The following AUNIP variants were observed in gnomAD, a reference collection of about 807,000 sequenced individuals.
AUNIP encodes the protein aurora kinase A and ninein interacting protein, also known as aurora kinase A- and ninein-interacting protein.
In AUNIP, 16 loss-of-function variants were observed where a neutral mutation model predicts 12.2. The ratio of observed to expected loss-of-function variants is 1.31; its 90% confidence interval spans 0.88 to 1.99. The LOEUF is 1.99. AUNIP is among the 30% of genes most tolerant of loss of function. The pLI is 0.00. For synonymous variants in AUNIP, 142 were observed against 154.8 expected (o/e 0.92, Z 0.61); for missense variants, 411 against 419.1 (o/e 0.98, Z 0.17).
chr1:25,846,416 C>CAAAAAAAAAAAAAA (rs57719994), intron 1 of AUNIP, among the ~76,000 whole-genome samples: 1 of 29,832 alleles, frequency 3.4e-5, no homozygotes, highest in African/African-American at 1.5e-4. Context: ...GACTCCATCT[C>CAAAAAAAAAAAAAA]AAAAAAAAAA....
rs766436655 is a variant in AUNIP at position 25,835,742 on chromosome 1, C to T, written c.325G>A (p.Gly109Ser). ...NATQLDHLIP[G>S]LAHDCMASPL... is the part of the protein sequence containing the mutation. ...GATGCCATGCAATCGTGTGCTAAGC[C>T]TGGGATCAAATGGTCTAGCTGGGTC... Residue 109 changes from glycine (G) to serine (S), a missense_variant, in exon 3 of 3, where the codon GGC (glycine) becomes AGC (serine). Coordinates refer to ENST00000374298, the MANE Select transcript of AUNIP (RefSeq NM_024037.3). The T allele has an allele frequency of 3.7e-6, 6 of 1,614,216 alleles. No homozygotes were observed. Among genetic ancestry groups the T allele is most frequent in the Non-Finnish European group, 3.4e-6 (4 of 1,180,038 alleles).
At chr1:25,853,597 A>AAAAC (rs916958614) in intron 1 of AUNIP, among the ~76,000 whole-genome samples, 62 of 152,310 alleles carry the variant, frequency 4.1e-4, no homozygotes, top group African/African-American at 1.3e-3. Context: ...TCTGTCTCAA[A>AAAAC]AAACAAACAA....
At chr1:25,843,647 G>A (rs1161909324) in intron 1 of AUNIP, among the ~76,000 whole-genome samples, 1 of 148,296 alleles carries the variant, frequency 6.7e-6, no homozygotes, top group African/African-American at 2.5e-5. Flanking sequence ...CATGGGAGGA[G>A]GTCAAAATAA....
chr1:25,843,448 T>C (rs1347988744), intron 1 of AUNIP, among the ~76,000 whole-genome samples: 2 of 151,320 alleles, frequency 1.3e-5, no homozygotes, highest in Non-Finnish European at 2.9e-5. Context: ...TTCACCATTC[T>C]AGATGTCAGT....
intron 1 of AUNIP, among the ~76,000 whole-genome samples, chr1:25,843,594 GAAAAAAAAAAAAAAA>G (rs769525747): frequency 1.6e-4 from 5 of 31,890 alleles, no homozygotes; most frequent in African/African-American, 4.8e-4. Context: ...CTGTCTGTTT[GAAAAAAAAAAAAAAA>G]AAAAAAAAAA....
chr1:25,838,119 TG>T (rs1398051175), intron 1 of AUNIP, among the ~76,000 whole-genome samples: 1 of 151,614 alleles, frequency 6.6e-6, no homozygotes, highest in African/African-American at 2.4e-5. Context: ...GTTCTGCCAC[TG>T]CCACTTTGCT....
intron 1 of AUNIP, among the ~76,000 whole-genome samples, chr1:25,853,169 T>C (rs1465133604): frequency 6.6e-6 from 1 of 152,264 alleles, no homozygotes; most frequent in East Asian, 1.9e-4. Context: ...TCAAATCTTT[T>C]TTCCTTGTTG....
In AUNIP at chr1:25,835,076, C is replaced by T. The variant is rs1214871750; in HGVS notation, c.991G>A (p.Asp331Asn). 1 of 1,614,238 alleles carries T rather than the reference C, an allele frequency of 6.2e-7. No individual in the cohort carries two copies. Among genetic ancestry groups the T allele is most frequent in the East Asian group, 2.2e-5 (1 of 44,894 alleles). Residue 331 changes from aspartate (D) to asparagine (N), a missense_variant, in exon 3 of 3, where the codon GAT (aspartate) becomes AAT (asparagine). By Grantham distance (23) the Asp-to-Asn change is conservative. Coordinates refer to ENST00000374298, the MANE Select transcript of AUNIP (RefSeq NM_024037.3). ...PNSPWAQCQE[D>N]GPTQNLKPDL... is the part of the protein sequence containing the mutation. The stretch of plus-strand genomic sequence containing the variant: ...GGCTTCAGATTTTGAGTTGGCCCAT[C>T]CTCCTGGCACTGAGCCCAAGGACTG...
intron 1 of AUNIP, among the ~76,000 whole-genome samples, chr1:25,842,574 T>C (rs1179065679): frequency 6.6e-6 from 1 of 152,224 alleles, no homozygotes; most frequent in Non-Finnish European, 1.5e-5. Context: ...GTAGACGAAA[T>C]AGTCTTACAT....
At chr1:25,848,527 C>A (rs190864650) in intron 1 of AUNIP, among the ~76,000 whole-genome samples, 1 of 150,694 alleles carries the variant, frequency 6.6e-6, no homozygotes, top group African/African-American at 2.4e-5. Flanking sequence ...CAAGGAGAGG[C>A]CTGGCAGCTC....
At chr1:25,855,843 GT>G (rs1256551178) in intron 1 of AUNIP, among the ~76,000 whole-genome samples, 1 of 152,200 alleles carries the variant, frequency 6.6e-6, no homozygotes, top group Non-Finnish European at 1.5e-5. Context: ...CAGAGTAATA[GT>G]TAATAGTCAG....
chr1:25,848,390 G>C (rs943822081), intron 1 of AUNIP, among the ~76,000 whole-genome samples: 1 of 149,488 alleles, frequency 6.7e-6, no homozygotes, highest in Non-Finnish European at 1.5e-5. Flanking sequence ...GCTGAGGCAG[G>C]AGAATCGCTT....
intron 1 of AUNIP, among the ~76,000 whole-genome samples, chr1:25,838,648 T>C (rs17163302): frequency 6.6e-6 from 1 of 152,148 alleles, no homozygotes; most frequent in South Asian, 2.1e-4. Flanking sequence ...ACTACACTTT[T>C]AACTCAGGCG....
intron 1 of AUNIP, among the ~76,000 whole-genome samples, chr1:25,843,202 A>ATATATATATT (rs2048358425): frequency 6.7e-6 from 1 of 148,470 alleles, no homozygotes; most frequent in Non-Finnish European, 1.5e-5. Context: ...ATATATATAT[A>ATATATATATT]TTTTACTGCT....
At chr1:25,832,089 C>A, downstream of AUNIP, 1 of 1,612,656 alleles carries the variant, frequency 6.2e-7, no homozygotes, top group Middle Eastern at 1.7e-4. Flanking sequence ...CTGCCTTCCT[C>A]ACCGCAGATG....
intron 1 of AUNIP, among the ~76,000 whole-genome samples, chr1:25,845,970 T>C (rs1557453488): frequency 6.6e-6 from 1 of 152,188 alleles, no homozygotes; most frequent in Non-Finnish European, 1.5e-5. Flanking sequence ...CACAAATTTA[T>C]TGCAGGAATC....
intron 1 of AUNIP, among the ~76,000 whole-genome samples, chr1:25,854,953 CTTTTT>C (rs1159770557): frequency 2.5e-5 from 3 of 121,098 alleles, no homozygotes; most frequent in African/African-American, 6.7e-5. Flanking sequence ...AGAATTCTTT[CTTTTT>C]TTTTTTTTTT....
At chr1:25,841,648 C>T (rs918852722) in intron 1 of AUNIP, among the ~76,000 whole-genome samples, 5 of 152,156 alleles carry the variant, frequency 3.3e-5, no homozygotes, top group African/African-American at 9.6e-5. Context: ...CTCAGCCTCC[C>T]GAGTAGCTGG....
chr1:25,842,290 C>T (rs213629), intron 1 of AUNIP, among the ~76,000 whole-genome samples: 121,814 of 152,226 alleles, frequency 0.8, 49,410 homozygotes, highest in African/African-American at 0.94. Context: ...TCAAAGTAGC[C>T]ACAACATTCG....
Sources: allele counts gnomAD v4.1 joint callset (sites outside exome capture counted in the v4.1 genomes callset), GRCh38; gene constraint gnomAD v4.1.1; transcripts MANE v1.5; gene names NCBI Gene and HGNC (gene_info 2026-07-23, HGNC 2026-07-21).